PTPRT: variants seen among roughly 807,000 people sequenced by gnomAD.
The protein encoded by PTPRT is receptor-type tyrosine-protein phosphatase T.
Under a neutral mutation model 176.8 loss-of-function variants are expected in PTPRT, and 56 were observed. The ratio of observed to expected loss-of-function variants is 0.32; its 90% CI spans 0.26 to 0.40. PTPRT has a LOEUF of 0.40. PTPRT is among the 10% of genes least tolerant of loss of function. PTPRT has a pLI of 1.00. For synonymous variants in PTPRT, 783 were observed against 739.0 expected (o/e 1.06, Z -0.96); for missense variants, 1,540 against 1,908.2 (o/e 0.81, Z 3.60).
intron 8 of PTPRT, among the ~76,000 whole-genome samples, chr20:42,455,267 G>A (rs537224953): frequency 3.3e-5 from 5 of 152,306 alleles, no homozygotes; most frequent in African/African-American, 9.6e-5. Flanking sequence ...GGATTAGAGA[G>A]TCAATGAGTC....
chr20:42,587,753 C>T (rs76507808), intron 7 of PTPRT, among the ~76,000 whole-genome samples: 3,387 of 152,126 alleles, frequency 0.022, 89 homozygotes, highest in East Asian at 0.13. Flanking sequence ...TCTGTGTGAG[C>T]CCTGCCTCGG....
chr20:42,051,232 G>A, the PTPRT span, among the ~76,000 whole-genome samples: 1 of 152,170 alleles, frequency 6.6e-6, no homozygotes, highest in Non-Finnish European at 1.5e-5. Context: ...ACAGCAGTGT[G>A]TCAGTGTGTC....
intron 6 of PTPRT, among the ~76,000 whole-genome samples, chr20:42,696,929 G>A (rs146802339): frequency 8.8e-4 from 134 of 152,174 alleles, no homozygotes; most frequent in Non-Finnish European, 1.5e-3. Context: ...AAGCTCCTAA[G>A]GCATTCTTGT....
intron 1 of PTPRT, among the ~76,000 whole-genome samples, chr20:42,999,036 C>T (rs997157950): frequency 1.3e-5 from 2 of 152,180 alleles, no homozygotes; most frequent in Non-Finnish European, 2.9e-5. Flanking sequence ...TTTTGTGCCT[C>T]CACCCATTTT....
chr20:42,670,860 G>A (rs987356270), intron 7 of PTPRT, among the ~76,000 whole-genome samples: 5 of 152,210 alleles, frequency 3.3e-5, no homozygotes, highest in African/African-American at 1.2e-4. Context: ...AGAAAGCAAT[G>A]TCTGGGGATT....
In PTPRT at chr20:42,472,341, G is replaced by C. The variant is rs188436636; in HGVS notation, c.1375C>G (p.Arg459Gly). ...GGGTTAGACAGCAAGAGTCGCAGCC[G>C]GATGGTCATGAAGGGGCGCAGGCCT... ...LRGLRPFMTIRLRLLLSNPEG... is the reference protein window; with the variant it reads ...LRGLRPFMTIGLRLLLSNPEG... Residue 459 changes from arginine to glycine, a missense_variant, in exon 8 of 31, where the codon CGG becomes GGG. Transcript: ENST00000373187. The C allele has an allele frequency of 6.2e-7, 1 of 1,614,208 alleles. No homozygotes were observed. The highest frequency in any genetic ancestry group is 8.5e-7 in the Non-Finnish European group (1 of 1,180,036).
chr20:42,634,021 TA>T (rs2074513293), intron 7 of PTPRT, among the ~76,000 whole-genome samples: 6 of 28,794 alleles, frequency 2.1e-4, no homozygotes, highest in African/African-American at 8.5e-4. Context: ...AATATATATA[TA>T]ATATATATAT....
chr20:42,536,810 A>G (rs1397569535), intron 7 of PTPRT, among the ~76,000 whole-genome samples: 3 of 152,180 alleles, frequency 2.0e-5, no homozygotes, highest in Admixed American at 2.0e-4. Flanking sequence ...ACACTCTTCT[A>G]TCACTGGCAG....
intron 1 of PTPRT, among the ~76,000 whole-genome samples, chr20:43,054,800 G>A (rs1179622684): frequency 6.6e-6 from 1 of 152,036 alleles, no homozygotes; most frequent in East Asian, 1.9e-4. Flanking sequence ...AGTGGGGGTG[G>A]GGGGAGCAGC....
rs375993666 is a variant in PTPRT, at chr20:42,289,858, C to T, written c.2140-7333G>A. ...TTTTCTATGATCTAGAGTGTATATACGATTATGCTTAAGTCTTCCTGACTG... is the reference window on the plus strand; with the variant it reads ...TTTTCTATGATCTAGAGTGTATATATGATTATGCTTAAGTCTTCCTGACTG... On this transcript the variant is annotated intron_variant, in intron 12 of 30. Coordinates refer to ENST00000373187, the MANE Select transcript of PTPRT (RefSeq NM_007050.6). 3.9e-5 allele frequency among the ~76,000 whole-genome samples: 6 copies of T among 152,142 alleles called. No homozygotes were observed. In the East Asian group the frequency reaches 5.8e-4, roughly 15 times the overall value.
chr20:42,343,140 C>G lies in PTPRT; in HGVS notation c.1865+7488G>C, dbSNP rs73906913. 4.8e-3 allele frequency among the ~76,000 whole-genome samples: 725 copies of G among 152,244 alleles called. 4 individuals carry two copies. The highest frequency in any genetic ancestry group is 0.017 in the African/African-American group (688 of 41,544). On this transcript the variant is annotated intron_variant, in intron 11 of 30. Coordinates refer to ENST00000373187, the MANE Select transcript of PTPRT (RefSeq NM_007050.6). ...TCCTAACTGACCTTGTAAAAGGTCC[C>G]TTAGAAGTCCCCCACACTCTCCTAG...
At chr20:42,522,419 C>A (rs2072192809) in intron 7 of PTPRT, among the ~76,000 whole-genome samples, 1 of 151,812 alleles carries the variant, frequency 6.6e-6, no homozygotes, top group African/African-American at 2.4e-5. Flanking sequence ...GACTCGTAGG[C>A]ACATTTATTT....
At chr20:42,085,897 G>A (rs1477835627) in intron 27 of PTPRT, 44 bp from the exon 28 acceptor site, 2 of 1,554,092 alleles carry the variant, frequency 1.3e-6, no homozygotes, top group Non-Finnish European at 8.8e-7. Context: ...AAAGGCAGGG[G>A]GCGGGTATCA....
chr20:42,267,018 T>C (rs925984634), intron 13 of PTPRT, among the ~76,000 whole-genome samples: 1 of 152,206 alleles, frequency 6.6e-6, no homozygotes. Context: ...CATATAATAA[T>C]AATAATATTT....
At chr20:42,494,038 A>G (rs1241522172) in intron 7 of PTPRT, among the ~76,000 whole-genome samples, 2 of 152,146 alleles carry the variant, frequency 1.3e-5, no homozygotes, top group Non-Finnish European at 2.9e-5. Context: ...AACTTATAGT[A>G]TATTTTAAAT....
At chr20:43,115,512 T>C (rs112456233) in intron 1 of PTPRT, among the ~76,000 whole-genome samples, 2,342 of 152,322 alleles carry the variant, frequency 0.015, 46 homozygotes, top group African/African-American at 0.053. Context: ...CCAGGGGTTA[T>C]TCTGTCCCTC....
chr20:42,742,907 T>C (rs1253153978), intron 6 of PTPRT, among the ~76,000 whole-genome samples: 1 of 152,210 alleles, frequency 6.6e-6, no homozygotes, highest in Non-Finnish European at 1.5e-5. Flanking sequence ...ACCCCAGGTT[T>C]GCCTGCTTCT....
At chr20:43,188,996 C>G (rs1407744500) in intron 1 of PTPRT, among the ~76,000 whole-genome samples, 1 of 152,206 alleles carries the variant, frequency 6.6e-6, no homozygotes, top group Admixed American at 6.5e-5. Flanking sequence ...AATCCACTCC[C>G]CTCCAAGGGC....
intron 7 of PTPRT, among the ~76,000 whole-genome samples, chr20:42,527,006 C>T (rs978454990): frequency 1.1e-4 from 16 of 145,330 alleles, no homozygotes; most frequent in Admixed American, 9.0e-4. Flanking sequence ...CTCTGCCGCC[C>T]AGGCTGGAGT....
Sources: gnomAD v4.1 joint callset for allele counts (sites outside exome capture counted in the v4.1 genomes callset) on GRCh38, gnomAD v4.1.1 for gene constraint, MANE v1.5 for transcripts, NCBI Gene and HGNC (gene_info 2026-07-23, HGNC 2026-07-21) for gene names.